The following TMEM132C variants were observed in gnomAD, a reference collection of about 807,000 sequenced individuals.
The protein encoded by TMEM132C is protein phosphatase 1, regulatory subunit 152.
Under a neutral mutation model 61.4 loss-of-function variants are expected in TMEM132C, and 29 were observed. The observed-to-expected ratio is 0.47, with a 90% CI of 0.35 to 0.64. TMEM132C has a LOEUF of 0.64. Ranked by LOEUF, TMEM132C falls within the 30% of genes least tolerant of loss-of-function variation. TMEM132C has a pLI of 0.00. For missense variants in TMEM132C, 1,408 were observed against 1,476.9 expected (o/e 0.95, Z 0.76); for synonymous variants, 656 against 633.1 (o/e 1.04, Z -0.54).
intron 1 of TMEM132C, among the ~76,000 whole-genome samples, chr12:128,344,786 A>G (rs1039426581): frequency 6.6e-6 from 1 of 152,218 alleles, no homozygotes; most frequent in Non-Finnish European, 1.5e-5. Context: ...TTATAGGCCA[A>G]TTAAGAATTG....
intron 1 of TMEM132C, among the ~76,000 whole-genome samples, chr12:128,407,997 A>C (rs1875406102): frequency 6.6e-6 from 1 of 151,868 alleles, no homozygotes; most frequent in Non-Finnish European, 1.5e-5. Flanking sequence ...AAGCTCCCTT[A>C]GCCACTATAC....
chr12:128,404,270 A>G (rs976449270), intron 1 of TMEM132C, among the ~76,000 whole-genome samples: 21 of 152,194 alleles, frequency 1.4e-4, no homozygotes, highest in African/African-American at 5.1e-4. Flanking sequence ...ATTTGTGGGC[A>G]TATTTGTATA....
chr12:128,321,551 T>C (rs1016405869), intron 1 of TMEM132C, among the ~76,000 whole-genome samples: 1 of 152,006 alleles, frequency 6.6e-6, no homozygotes, highest in Non-Finnish European at 1.5e-5. Flanking sequence ...GATAGAAATC[T>C]CTGTATCCTT....
At chr12:128,522,611 G>C (rs374680215) in intron 2 of TMEM132C, among the ~76,000 whole-genome samples, 1 of 152,014 alleles carries the variant, frequency 6.6e-6, no homozygotes, top group East Asian at 1.9e-4. Flanking sequence ...AATTAATTTG[G>C]CAGACAGAGC....
At chr12:128,503,695 G>A (rs77948891) in intron 2 of TMEM132C, among the ~76,000 whole-genome samples, 4,196 of 152,202 alleles carry the variant, frequency 0.028, 75 homozygotes, top group Non-Finnish European at 0.041. Flanking sequence ...AGGTTCTATC[G>A]TTCTCTCTGT....
In TMEM132C at chr12:128,327,012, T is replaced by C. The variant is rs12304711; in HGVS notation, c.85+59525T>C. On this transcript the variant is annotated intron_variant, in intron 1 of 8. Transcript: ENST00000435159. Reference sequence around the variant, plus strand: ...ATTTTTCCTTTTAGGTTTTCTTTTATCCCCAACCTTTTTGTCTGTGTGCAG... The same window carrying C: ...ATTTTTCCTTTTAGGTTTTCTTTTACCCCCAACCTTTTTGTCTGTGTGCAG... 2.3e-3 allele frequency among the ~76,000 whole-genome samples: 339 copies of C among 150,036 alleles called. 47 individuals are homozygous for C. The highest frequency in any genetic ancestry group is 8.3e-3 in the African/African-American group (327 of 39,350).
At chr12:128,270,848 GTTC>G (rs1218282678) in intron 1 of TMEM132C, among the ~76,000 whole-genome samples, 13 of 152,220 alleles carry the variant, frequency 8.5e-5, no homozygotes, top group Non-Finnish European at 1.6e-4. Context: ...TCCTATTATA[GTTC>G]TTCTTCTATA....
chr12:128,417,567 G>T (rs1417734424), intron 2 of TMEM132C, among the ~76,000 whole-genome samples: 1 of 152,124 alleles, frequency 6.6e-6, no homozygotes, highest in African/African-American at 2.4e-5. Flanking sequence ...CCTGTGTGTT[G>T]GTAGGCAAGT....
intron 2 of TMEM132C, among the ~76,000 whole-genome samples, chr12:128,533,089 T>C (rs761137419): frequency 6.6e-6 from 1 of 152,180 alleles, no homozygotes; most frequent in Non-Finnish European, 1.5e-5. Context: ...TGCCATGCCT[T>C]TGTATGCAGG....
chr12:128,642,978 G>A (rs1440374519), intron 4 of TMEM132C, among the ~76,000 whole-genome samples: 1 of 152,168 alleles, frequency 6.6e-6, no homozygotes, highest in South Asian at 2.1e-4. Context: ...GGCAGGAAAT[G>A]TTTGTGTCTT....
intron 2 of TMEM132C, among the ~76,000 whole-genome samples, chr12:128,419,126 G>A: frequency 6.6e-6 from 1 of 152,188 alleles, no homozygotes; most frequent in East Asian, 1.9e-4. Flanking sequence ...TAATCAAAAT[G>A]TGCATGTGTG....
At chr12:128,436,044 G>A (rs1191556399) in intron 2 of TMEM132C, among the ~76,000 whole-genome samples, 1 of 152,064 alleles carries the variant, frequency 6.6e-6, no homozygotes, top group East Asian at 1.9e-4. Context: ...AACAAGAAAT[G>A]GGGAAAGGAT....
rs987011210 is a variant in TMEM132C at position 128,705,249 on chromosome 12, G to A, written c.2281G>A (p.Glu761Lys). The part of the protein sequence containing the change: ...RSPRWPVVVA[E>K]GEGQGPLIRV... Reference sequence around the variant, plus strand: ...TCCCAGGTGGCCCGTTGTGGTGGCCGAAGGGGAAGGCCAGGGCCCACTGAT... The same window carrying A: ...TCCCAGGTGGCCCGTTGTGGTGGCCAAAGGGGAAGGCCAGGGCCCACTGAT... The change falls in exon 9 of 9, where the codon GAA becomes AAA. Residue 761 changes from glutamate (E) to lysine (K), a missense_variant. Physicochemically the swap from Glu to Lys is moderately conservative, Grantham distance 56. Transcript: ENST00000435159. 1.0e-5 allele frequency: 16 copies of A among 1,551,548 alleles called. No individual in the cohort carries two copies. Among genetic ancestry groups the A allele is most frequent in the Admixed American group, 5.9e-5 (3 of 50,994 alleles).
chr12:128,268,987 T>G (rs1026474382), intron 1 of TMEM132C, among the ~76,000 whole-genome samples: 11 of 48,434 alleles, frequency 2.3e-4, no homozygotes, highest in African/African-American at 7.4e-4. Context: ...AAGTCGGGGG[T>G]GGAGGAGTAG....
At chr12:128,470,154 G>A (rs1870899080) in intron 2 of TMEM132C, among the ~76,000 whole-genome samples, 1 of 152,170 alleles carries the variant, frequency 6.6e-6, no homozygotes, top group Non-Finnish European at 1.5e-5. Flanking sequence ...AGTGGAGCGT[G>A]GATGGCAGGA....
Position 128,267,475 on chromosome 12 carries a change from C to T in TMEM132C, c.73C>T (p.Leu25=). 1 of 1,268,696 alleles carries T rather than the reference C, an allele frequency of 7.9e-7. No individual in the cohort carries two copies. Among genetic ancestry groups the T allele is most frequent in the South Asian group, 2.8e-5 (1 of 35,360 alleles). The allele number at this position is 1,268,696 out of a possible 1,614,324, so 78.6% of individuals were successfully genotyped here. A position where few individuals can be genotyped will look rare whatever the true frequency, so the allele number is the denominator to read the frequency against. The change falls in exon 1 of 9, where the codon CTG becomes TTG. Residue 25 remains leucine (L), a synonymous_variant. Coordinates refer to ENST00000435159, the MANE Select transcript of TMEM132C (RefSeq NM_001136103.3). The part of the protein sequence containing the change: ...CGALSLLLGA[L]LGKVIEGHGV... The stretch of plus-strand genomic sequence containing the variant: ...GGCGCTGAGCCTGCTGCTGGGCGCG[C>T]TGCTGGGCAAAGGTAAGGCCGGGGC...
intron 2 of TMEM132C, among the ~76,000 whole-genome samples, chr12:128,530,189 T>C (rs920672689): frequency 7.9e-5 from 12 of 152,068 alleles, no homozygotes; most frequent in African/African-American, 2.9e-4. Flanking sequence ...GATGATTTGA[T>C]GGGAACGAAG....
chr12:128,599,473 G>A (rs1486374737), intron 3 of TMEM132C, among the ~76,000 whole-genome samples: 1 of 152,230 alleles, frequency 6.6e-6, no homozygotes, highest in Non-Finnish European at 1.5e-5. Context: ...TGTTGCTCCG[G>A]AGGAGACGGT....
chr12:128,449,356 C>T (rs1870105303), intron 2 of TMEM132C, among the ~76,000 whole-genome samples: 1 of 152,092 alleles, frequency 6.6e-6, no homozygotes, highest in Admixed American at 6.5e-5. Flanking sequence ...AAATTACTTT[C>T]CTGGTCCCCG....
Sources: gnomAD v4.1 joint callset for allele counts (sites outside exome capture counted in the v4.1 genomes callset) on GRCh38, gnomAD v4.1.1 for gene constraint, MANE v1.5 for transcripts, NCBI Gene and HGNC (gene_info 2026-07-23, HGNC 2026-07-21) for gene names.